Variants in NUAK1 observed in about 807,000 individuals in gnomAD.
The protein encoded by NUAK1 is NUAK family kinase 1.
In NUAK1, 26 loss-of-function variants were observed where a neutral mutation model predicts 56.9. The ratio of observed to expected loss-of-function variants is 0.46; its 90% confidence interval spans 0.33 to 0.63. The LOEUF is 0.63. Among genes scored for constraint, NUAK1 ranks in the 30% least tolerant of loss-of-function variants. The pLI, the probability that NUAK1 is intolerant of heterozygous loss-of-function variation, is 0.02. For missense variants in NUAK1, 727 were observed against 876.1 expected, an observed-to-expected ratio of 0.83 and a Z score of 2.15; for synonymous variants, 337 against 336.0, an observed-to-expected ratio of 1.00 and a Z score of -0.03.
At chr12:106,122,077 A>T (rs2032983363) in intron 1 of NUAK1, among the ~76,000 whole-genome samples, 1 of 152,140 alleles carries the variant, frequency 6.6e-6, no homozygotes, top group South Asian at 2.1e-4. Context: ...GCCTGGGTGT[A>T]CTACACAGGG....
At chr12:106,107,286 C>T (rs1312503204) in intron 1 of NUAK1, among the ~76,000 whole-genome samples, 2 of 151,986 alleles carry the variant, frequency 1.3e-5, no homozygotes, top group Non-Finnish European at 2.9e-5. Flanking sequence ...AGAAACACAC[C>T]GAGAAAAAGG....
chr12:106,138,885 T>G lies in NUAK1; in HGVS notation c.-232A>C. The G allele has an allele frequency of 2.2e-6, 1 of 456,748 alleles. No homozygotes were observed. Among genetic ancestry groups the G allele is most frequent in the Non-Finnish European group, 3.5e-6 (1 of 283,404 alleles). The allele number at this position is 456,748 out of a possible 1,614,324, so 28.3% of individuals were successfully genotyped here. ...ACCGCCCCCCGGCCGCGGCGAGCTG[T>G]GGAGCGTCGGGCGAGGTGGCGGCGG... is the stretch of plus-strand genomic sequence containing the variant. On this transcript the variant is annotated 5_prime_UTR_variant, in exon 1 of 7. Coordinates refer to ENST00000261402, the MANE Select transcript of NUAK1 (RefSeq NM_014840.3). This position sits in a 1 kb window ranked among gnomAD's most constrained non-coding sequence, Gnocchi z 5.0.
intron 2 of NUAK1, chr12:106,106,073 A>G: frequency 5.1e-6 from 1 of 195,696 alleles, no homozygotes; most frequent in South Asian, 1.3e-4. Flanking sequence ...ATCCACTGTT[A>G]TTTGGTCACC....
chr12:106,095,320 G>C (rs2032686116), intron 2 of NUAK1, among the ~76,000 whole-genome samples: 1 of 152,226 alleles, frequency 6.6e-6, no homozygotes, highest in South Asian at 2.1e-4. Flanking sequence ...TTCTGGCAGT[G>C]ATGGGGGTAG....
Position 106,072,892 on chromosome 12 carries a change from T to C in NUAK1, c.580-49A>G, listed in dbSNP as rs368464788. On this transcript the variant is annotated intron_variant, in intron 4 of 6. Transcript: ENST00000261402. ...GGAGACTTGTTAGCATTCCAGATTA[T>C]GTCTGTGTTGGATCAGTTCACACCA... 5 of 1,608,668 alleles carry C rather than the reference T, an allele frequency of 3.1e-6. No individual in the cohort carries two copies. The African/African-American group carries it at 6.7e-5, about 22-fold the overall frequency.
chr12:106,100,868 T>C (rs2032740483), intron 2 of NUAK1, among the ~76,000 whole-genome samples: 1 of 152,214 alleles, frequency 6.6e-6, no homozygotes, highest in Admixed American at 6.5e-5. Flanking sequence ...ATTTGACTCT[T>C]TAATCATAAA....
intron 1 of NUAK1, among the ~76,000 whole-genome samples, chr12:106,126,547 A>G (rs1180857480): frequency 6.6e-6 from 1 of 152,224 alleles, no homozygotes; most frequent in African/African-American, 2.4e-5. Flanking sequence ...GGTTCTAAGA[A>G]TTCAGTGAGA....
At chr12:106,079,983 G>A (rs955498535) in intron 4 of NUAK1, among the ~76,000 whole-genome samples, 1 of 152,200 alleles carries the variant, frequency 6.6e-6, no homozygotes, top group African/African-American at 2.4e-5. Flanking sequence ...CAGAAAAGAC[G>A]TTCAATTCCT....
intron 4 of NUAK1, among the ~76,000 whole-genome samples, chr12:106,083,061 C>G (rs2032534900): frequency 1.3e-5 from 2 of 152,332 alleles, no homozygotes; most frequent in South Asian, 4.1e-4. Context: ...CTGGGAGGCA[C>G]TTGAACCCTG....
At chr12:106,120,217 C>T (rs36051908) in intron 1 of NUAK1, among the ~76,000 whole-genome samples, 5,227 of 152,214 alleles carry the variant, frequency 0.034, 146 homozygotes, top group Non-Finnish European at 0.054. Flanking sequence ...AGACCATGGC[C>T]TCCAACAGGA....
chr12:106,134,728 C>T (rs2033113004), intron 1 of NUAK1, among the ~76,000 whole-genome samples: 1 of 152,112 alleles, frequency 6.6e-6, no homozygotes, highest in Non-Finnish European at 1.5e-5. Context: ...AAATGCATGC[C>T]GAATTATGAC....
In NUAK1 at chr12:106,130,673, C is replaced by T. The variant is rs149788854; in HGVS notation, c.240+7741G>A. On this transcript the variant is annotated intron_variant, in intron 1 of 6. Transcript: ENST00000261402. Reference sequence around the variant, plus strand: ...ATGGGCAGGTGAATGGGCCCCAGCCCGCGTCGTTCTCACAGAGCCGCTAGT... The same window carrying T: ...ATGGGCAGGTGAATGGGCCCCAGCCTGCGTCGTTCTCACAGAGCCGCTAGT... Among the ~76,000 whole-genome samples the T allele has an allele frequency of 4.8e-3, 729 of 152,328 alleles. 2 individuals carry two copies. Among genetic ancestry groups the T allele is most frequent in the Non-Finnish European group, 7.9e-3 (538 of 68,036 alleles).
At chr12:106,095,364 C>A (rs1239284458) in intron 2 of NUAK1, among the ~76,000 whole-genome samples, 1 of 152,202 alleles carries the variant, frequency 6.6e-6, no homozygotes, top group African/African-American at 2.4e-5. Context: ...TAGTCTTCCA[C>A]CCCTGGAAAC....
chr12:106,072,474 G>T (rs1311679107), intron 5 of NUAK1, among the ~76,000 whole-genome samples: 1 of 152,132 alleles, frequency 6.6e-6, no homozygotes. Context: ...AAAGTCACTA[G>T]AGTTTTAAGT....
At chr12:106,116,223 T>C (rs867160742) in intron 1 of NUAK1, among the ~76,000 whole-genome samples, 4 of 152,130 alleles carry the variant, frequency 2.6e-5, no homozygotes, top group South Asian at 2.1e-4. Flanking sequence ...CAGAAAACCA[T>C]AGTGGGACAT....
intron 2 of NUAK1, among the ~76,000 whole-genome samples, chr12:106,091,962 G>A (rs929997231): frequency 9.2e-5 from 14 of 152,098 alleles, no homozygotes; most frequent in African/African-American, 2.2e-4. Context: ...TTGGAAGGCC[G>A]AGATGGGAGG....
At chr12:106,093,681 C>T (rs2032660468) in intron 2 of NUAK1, among the ~76,000 whole-genome samples, 1 of 152,204 alleles carries the variant, frequency 6.6e-6, no homozygotes, top group Non-Finnish European at 1.5e-5. Flanking sequence ...AAGAAAGAAG[C>T]CTGGAAAGCA....
chr12:106,107,949 C>A (rs1228235960), intron 1 of NUAK1, among the ~76,000 whole-genome samples: 1 of 152,202 alleles, frequency 6.6e-6, no homozygotes, highest in Non-Finnish European at 1.5e-5. Context: ...CTTGACTCTA[C>A]ACTGGTAGGG....
In NUAK1 at chr12:106,064,632, A is replaced by G. The variant is rs188695633; in HGVS notation, c.*2170T>C. 2 of 152,424 alleles carry G rather than the reference A, an allele frequency of 1.3e-5. No homozygotes were observed. Among genetic ancestry groups the G allele is most frequent in the African/African-American group, 4.8e-5 (2 of 41,590 alleles). 9.4% of individuals were successfully genotyped at this position (152,424 alleles called of 1,614,324 possible). ...AAAAACACATCAACCAGTAGGTAGG[A>G]GCTAGATCTAAGTCATACTGACAGC... On this transcript the variant is annotated 3_prime_UTR_variant, in exon 7 of 7. Transcript: ENST00000261402.
Sources: allele counts gnomAD v4.1 joint callset (sites outside exome capture counted in the v4.1 genomes callset), GRCh38; gene constraint gnomAD v4.1.1; non-coding constraint Gnocchi (gnomAD v3.1); transcripts MANE v1.5; gene names NCBI Gene and HGNC (gene_info 2026-07-23, HGNC 2026-07-21).